Variants in POPDC1 observed in about 807,000 individuals in gnomAD.
The protein encoded by POPDC1 is popeye domain-containing protein 1.
chr6:105,131,459 C>A, the POPDC1 span, among the ~76,000 whole-genome samples: 1 of 151,908 alleles, frequency 6.6e-6, no homozygotes, highest in Non-Finnish European at 1.5e-5. Context: ...TTTTTTGAGA[C>A]AGGGTCTTGC....
chr6:105,128,393 G>A, the POPDC1 span, among the ~76,000 whole-genome samples: 6 of 152,104 alleles, frequency 3.9e-5, no homozygotes, highest in African/African-American at 1.4e-4. Context: ...AGAATGCATG[G>A]TCCAAATAGA....
At chr6:105,117,900 G>A in the POPDC1 span, among the ~76,000 whole-genome samples, 21 of 152,096 alleles carry the variant, frequency 1.4e-4, no homozygotes, top group African/African-American at 5.1e-4. Context: ...ACACAAATTA[G>A]ATGGACATGG....
At chr6:105,132,692 AAT>A in the POPDC1 span, among the ~76,000 whole-genome samples, 1 of 152,226 alleles carries the variant, frequency 6.6e-6, no homozygotes, top group Non-Finnish European at 1.5e-5. Flanking sequence ...ATCACTGGCT[AAT>A]ATAACAGATT....
At chr6:105,125,538 A>C in the POPDC1 span, 2 of 1,614,102 alleles carry the variant, frequency 1.2e-6, no homozygotes, top group African/African-American at 1.3e-5. Context: ...TGGTTCAAAC[A>C]ATCGCCGGTA....
the POPDC1 span, among the ~76,000 whole-genome samples, chr6:105,129,020 T>C: frequency 6.6e-6 from 1 of 152,170 alleles, no homozygotes; most frequent in Non-Finnish European, 1.5e-5. Context: ...TGTAAATCAT[T>C]AGAATGTTTA....
the POPDC1 span, among the ~76,000 whole-genome samples, chr6:105,111,382 G>C: frequency 6.6e-6 from 1 of 152,190 alleles, no homozygotes; most frequent in South Asian, 2.1e-4. Context: ...AAGGAGAGAA[G>C]ATGCACAAAG....
chr6:105,123,423 C>G, the POPDC1 span, among the ~76,000 whole-genome samples: 5 of 151,410 alleles, frequency 3.3e-5, no homozygotes, highest in African/African-American at 1.2e-4. Flanking sequence ...TTTTTTGAGA[C>G]GGAGTCTTGC....
chr6:105,136,840 G>A, the POPDC1 span: 1 of 152,186 alleles, frequency 6.6e-6, no homozygotes, highest in Non-Finnish European at 1.5e-5. Context: ...CTGCCGCCAG[G>A]GCCGACAAAG....
chr6:105,099,640 G>A, the POPDC1 span: 1 of 152,258 alleles, frequency 6.6e-6, no homozygotes, highest in Non-Finnish European at 1.5e-5. Flanking sequence ...ATTTCAGTAG[G>A]AAAAAGAGCT....
chr6:105,117,877 C>G, the POPDC1 span, among the ~76,000 whole-genome samples: 1 of 152,100 alleles, frequency 6.6e-6, no homozygotes, highest in Non-Finnish European at 1.5e-5. Flanking sequence ...AAAACCCTGG[C>G]TCTATAAAAC....
chr6:105,100,086 G>A, the POPDC1 span: 1 of 152,112 alleles, frequency 6.6e-6, no homozygotes, highest in Admixed American at 6.5e-5. Context: ...AAATCTGAGA[G>A]TTTTGTTCAT....
At chr6:105,119,094 A>G in the POPDC1 span, among the ~76,000 whole-genome samples, 2 of 151,634 alleles carry the variant, frequency 1.3e-5, no homozygotes, top group Non-Finnish European at 2.9e-5. Flanking sequence ...CTGAGGCACA[A>G]GAATCCCTTG....
chr6:105,128,216 G>A, the POPDC1 span, among the ~76,000 whole-genome samples: 1 of 152,330 alleles, frequency 6.6e-6, no homozygotes. Flanking sequence ...TAAGAGGACT[G>A]TACATCCCCT....
the POPDC1 span, chr6:105,133,618 C>T: frequency 4.1e-6 from 6 of 1,480,544 alleles, no homozygotes; most frequent in Non-Finnish European, 4.6e-6. Context: ...AAAGTAAAAT[C>T]GTAAAAATGG....
At chr6:105,109,718 C>T in the POPDC1 span, among the ~76,000 whole-genome samples, 1 of 125,164 alleles carries the variant, frequency 8.0e-6, no homozygotes, top group East Asian at 2.6e-4. Context: ...GAGCTGTGAT[C>T]ATGCCACTGC....
chr6:105,121,310 G>T, the POPDC1 span, among the ~76,000 whole-genome samples: 1 of 150,076 alleles, frequency 6.7e-6, no homozygotes, highest in African/African-American at 2.5e-5. Context: ...CTGTTGCCCA[G>T]GCTGGAGTGC....
the POPDC1 span, chr6:105,115,662 A>G: frequency 5.0e-6 from 8 of 1,613,348 alleles, no homozygotes; most frequent in Non-Finnish European, 5.1e-6. Flanking sequence ...ACTCTGGAGT[A>G]GTATCAGTTT....
chr6:105,116,170 C>T, the POPDC1 span, among the ~76,000 whole-genome samples: 2 of 151,234 alleles, frequency 1.3e-5, no homozygotes, highest in Admixed American at 6.6e-5. Context: ...ACAGAAACGA[C>T]GTTTTTAAAA....
the POPDC1 span, among the ~76,000 whole-genome samples, chr6:105,120,439 A>G: frequency 6.6e-6 from 1 of 152,338 alleles, no homozygotes; most frequent in South Asian, 2.1e-4. Context: ...TGTATTTTTT[A>G]TGAGAATATC....
Sources: allele counts gnomAD v4.1 joint callset (sites outside exome capture counted in the v4.1 genomes callset), GRCh38; gene constraint gnomAD v4.1.1; transcripts MANE v1.5; gene names NCBI Gene and HGNC (gene_info 2026-07-23, HGNC 2026-07-21).